The following TATDN2 variants were observed in gnomAD, a reference collection of about 807,000 sequenced individuals.
The protein encoded by TATDN2 is TatD DNase domain containing 2, also known as 3'-5' RNA nuclease TATDN2.
Under a neutral mutation model 60.3 loss-of-function variants are expected in TATDN2, and 44 were observed. That is an observed-to-expected ratio of 0.73 (90% CI 0.57 to 0.94). TATDN2 has a LOEUF of 0.94. TATDN2 is among the 40% of genes least tolerant of loss of function. The pLI, the probability that TATDN2 is intolerant of heterozygous loss-of-function variation, is 0.00. For missense variants in TATDN2, 997 were observed against 948.0 expected (o/e 1.05, Z -0.68); for synonymous variants, 399 against 355.8 (o/e 1.12, Z -1.37).
At chr3:10,252,951 G>A (rs181429167) in intron 2 of TATDN2, among the ~76,000 whole-genome samples, 158 of 150,950 alleles carry the variant, frequency 1.0e-3, no homozygotes, top group Non-Finnish European at 9.1e-4. Flanking sequence ...CCGCCTCCCG[G>A]GTTCACGCCA....
intron 2 of TATDN2, among the ~76,000 whole-genome samples, chr3:10,254,013 G>A (rs754818573): frequency 1.2e-4 from 18 of 152,186 alleles, no homozygotes; most frequent in African/African-American, 4.1e-4. Context: ...CCTCCCTTGC[G>A]GAGCTCTCTG....
At chr3:10,263,820 G>A (rs1489978252) in intron 3 of TATDN2, among the ~76,000 whole-genome samples, 3 of 152,146 alleles carry the variant, frequency 2.0e-5, no homozygotes, top group Non-Finnish European at 2.9e-5. Flanking sequence ...AAAGCTGTTT[G>A]GAAGCTCTGA....
intron 2 of TATDN2, among the ~76,000 whole-genome samples, chr3:10,257,901 C>T (rs1212304749): frequency 9.6e-6 from 1 of 104,414 alleles, no homozygotes; most frequent in Non-Finnish European, 1.8e-5. Context: ...TACTCTGTAG[C>T]CCAGGCTGGA....
chr3:10,249,391 C>G lies in TATDN2; in HGVS notation c.191C>G (p.Ala64Gly). The G allele has an allele frequency of 1.2e-6, 2 of 1,613,122 alleles. No individual in the cohort carries two copies. Among genetic ancestry groups the G allele is most frequent in the Non-Finnish European group, 1.7e-6 (2 of 1,179,626 alleles). The change falls in exon 2 of 8, where the codon GCT becomes GGT. Residue 64 changes from alanine to glycine, a missense_variant. Coordinates refer to ENST00000448281, the MANE Select transcript of TATDN2 (RefSeq NM_014760.4). ...AAAGCCCAGAAGGAGGACGATGTGG[C>G]TTGCTCGCGGAGGTTATCCTGGGGC... ...RLKAQKEDDV[A>G]CSRRLSWGSS...
At chr3:10,273,467 C>T (rs1316343138) in intron 4 of TATDN2, among the ~76,000 whole-genome samples, 3 of 151,894 alleles carry the variant, frequency 2.0e-5, no homozygotes, top group African/African-American at 7.3e-5. Context: ...GAAGAAGAAC[C>T]TATAGAGGGC....
chr3:10,268,940 T>C (rs1425722785), intron 3 of TATDN2, among the ~76,000 whole-genome samples: 1 of 152,202 alleles, frequency 6.6e-6, no homozygotes, highest in Non-Finnish European at 1.5e-5. Flanking sequence ...TAACTTTTCT[T>C]TTGCTCTCAG....
chr3:10,256,017 A>G (rs1181892455), intron 2 of TATDN2, among the ~76,000 whole-genome samples: 1 of 152,062 alleles, frequency 6.6e-6, no homozygotes, highest in Non-Finnish European at 1.5e-5. Flanking sequence ...TCCCCATTTT[A>G]TGTCCTCTTT....
chr3:10,270,173 A>G lies in TATDN2; in HGVS notation c.991A>G (p.Ser331Gly). Reference protein sequence around the residue: ...EVVMEHPSSGSDWSDVEEIST... With the variant: ...EVVMEHPSSGGDWSDVEEIST... ...GGTGATGGAGCACCCCTCTTCTGGA[A>G]GTGACTGGTCTGATGTTGAGGAGAT... Residue 331 changes from serine to glycine, a missense_variant, in exon 4 of 8, where the codon AGT becomes GGT. By Grantham distance (56) the Ser-to-Gly change is moderately conservative. Coordinates refer to ENST00000448281, the MANE Select transcript of TATDN2 (RefSeq NM_014760.4). The G allele has an allele frequency of 6.2e-7, 1 of 1,611,162 alleles. No homozygotes were observed. Among genetic ancestry groups the G allele is most frequent in the Non-Finnish European group, 8.5e-7 (1 of 1,178,896 alleles).
chr3:10,260,545 G>A lies in TATDN2; in HGVS notation c.823G>A (p.Val275Ile). The A allele has an allele frequency of 6.2e-7, 1 of 1,614,190 alleles. No individual in the cohort carries two copies. Among genetic ancestry groups the A allele is most frequent in the Non-Finnish European group, 8.5e-7 (1 of 1,180,034 alleles). The change falls in exon 3 of 8, where the codon GTA becomes ATA. Residue 275 changes from valine (V) to isoleucine (I), a missense_variant. Physicochemically the swap from Val to Ile is conservative, Grantham distance 29. Transcript: ENST00000448281. ...PERSSFYDRR[V>I]VIDPQEKPSE... ...GAGGAGCAGCTTCTATGACAGGAGA[G>A]TAGTTATAGACCCTCAAGAGAAACC...
intron 2 of TATDN2, among the ~76,000 whole-genome samples, chr3:10,250,084 C>G (rs1034448903): frequency 6.6e-6 from 1 of 151,744 alleles, no homozygotes; most frequent in African/African-American, 2.4e-5. Flanking sequence ...CTCTGAATCA[C>G]AGAACCAAGA....
chr3:10,257,606 A>C (rs1218950977), intron 2 of TATDN2, among the ~76,000 whole-genome samples: 1 of 148,892 alleles, frequency 6.7e-6, no homozygotes, highest in Non-Finnish European at 1.5e-5. Flanking sequence ...CCAAAAAAAA[A>C]AAAAACAAAA....
At chr3:10,276,605 T>C (rs78058816) in intron 5 of TATDN2, 117 bp downstream of exon 5, 59 of 1,269,154 alleles carry the variant, frequency 4.6e-5, no homozygotes, top group East Asian at 4.6e-4. Flanking sequence ...TTTTTTTTTT[T>C]CGAGACGGAA....
chr3:10,273,685 A>G (rs1698597680), intron 4 of TATDN2, among the ~76,000 whole-genome samples: 1 of 151,456 alleles, frequency 6.6e-6, no homozygotes, highest in African/African-American at 2.5e-5. Flanking sequence ...AGTTTGGTTG[A>G]TGTACCTAAA....
intron 2 of TATDN2, among the ~76,000 whole-genome samples, chr3:10,254,377 A>C (rs147107701): frequency 6.6e-6 from 1 of 152,320 alleles, no homozygotes; most frequent in Non-Finnish European, 1.5e-5. Flanking sequence ...GGAGCAATAC[A>C]TGCCCAAAAT....
chr3:10,249,416 C>A lies in TATDN2; in HGVS notation c.216C>A (p.Gly72=), dbSNP rs540564160. Residue 72 remains glycine, a synonymous_variant, in exon 2 of 8, where the codon GGC becomes GGA. Transcript: ENST00000448281. ...DVACSRRLSW[G]SSRRRNNSSS... ...CTTGCTCGCGGAGGTTATCCTGGGG[C>A]TCATCCCGCCGCAGAAATAACTCCT... 507 of 1,613,434 alleles carry A rather than the reference C, an allele frequency of 3.1e-4. 6 individuals are homozygous for A. The South Asian group carries it at 5.3e-3, about 17-fold the overall frequency.
Position 10,260,203 on chromosome 3 carries a change from A to G in TATDN2, c.481A>G (p.Asn161Asp). ...SEFAAEAEGQ[N>D]DTIEEPNKVQ... Reference sequence around the variant, plus strand: ...ATTTGCAGCTGAAGCTGAGGGTCAGAATGATACAATTGAGGAACCCAACAA... The same window carrying G: ...ATTTGCAGCTGAAGCTGAGGGTCAGGATGATACAATTGAGGAACCCAACAA... Residue 161 changes from asparagine (N) to aspartate (D), a missense_variant, in exon 3 of 8, where the codon AAT becomes GAT. Coordinates refer to ENST00000448281, the MANE Select transcript of TATDN2 (RefSeq NM_014760.4). 6.2e-7 allele frequency: 1 copy of G among 1,614,200 alleles called. No homozygotes were observed. Among genetic ancestry groups the G allele is most frequent in the East Asian group, 2.2e-5 (1 of 44,880 alleles).
At chr3:10,250,460 C>T (rs1698205999) in intron 2 of TATDN2, among the ~76,000 whole-genome samples, 2 of 151,738 alleles carry the variant, frequency 1.3e-5, no homozygotes, top group Non-Finnish European at 2.9e-5. Context: ...GAAGTTCTGC[C>T]TGTGGAGGAG....
Position 10,266,931 on chromosome 3 carries a change from C to CTTTTTTTT in TATDN2, c.949-3190_949-3183dup, listed in dbSNP as rs199956355. 7.3e-4 allele frequency among the ~76,000 whole-genome samples: 93 copies of CTTTTTTTT among 126,870 alleles called. 3 individuals are homozygous for CTTTTTTTT. Among genetic ancestry groups the CTTTTTTTT allele is most frequent in the East Asian group, 2.0e-3 (8 of 4,016 alleles). 83.2% of individuals were successfully genotyped at this position (126,870 alleles called of 152,430 possible). On this transcript the variant is annotated intron_variant, in intron 3 of 7. Transcript: ENST00000448281. ...ACAGGCTTAAACTAACTAAGGCAGT[C>CTTTTTTTT]TTTTTTTTTTTTTTTTTGAGACAGA...
chr3:10,251,443 T>G (rs1698231249), intron 2 of TATDN2, among the ~76,000 whole-genome samples: 1 of 152,124 alleles, frequency 6.6e-6, no homozygotes. Flanking sequence ...TAGACTGCAG[T>G]GGCATGATCT....
Sources: gnomAD v4.1 joint callset for allele counts (sites outside exome capture counted in the v4.1 genomes callset) on GRCh38, gnomAD v4.1.1 for gene constraint, MANE v1.5 for transcripts, NCBI Gene and HGNC (gene_info 2026-07-23, HGNC 2026-07-21) for gene names.